The following TRPM3 variants were observed in gnomAD, a reference collection of about 807,000 sequenced individuals.
The protein encoded by TRPM3 is transient receptor potential cation channel subfamily M member 3.
A neutral mutation model predicts 181.2 loss-of-function variants in TRPM3; 77 were observed. That is an observed-to-expected ratio of 0.42 (90% confidence interval 0.35 to 0.51). The LOEUF (loss-of-function observed/expected upper bound fraction) is 0.51. Ranked by LOEUF, TRPM3 falls within the 20% of genes least tolerant of loss-of-function variation. The probability of loss-of-function intolerance (pLI) is 0.01; values close to 1 mark genes in which losing one functional copy is unlikely to be tolerated. For synonymous variants in TRPM3, 745 were observed against 796.4 expected, an observed-to-expected ratio of 0.94 and a Z score of 1.09; for missense variants, 1,759 against 2,196.7, an observed-to-expected ratio of 0.80 and a Z score of 3.98.
At chr9:71,037,304 C>T (rs1473901185) in intron 1 of TRPM3, among the ~76,000 whole-genome samples, 1 of 152,112 alleles carries the variant, frequency 6.6e-6, no homozygotes, top group Admixed American at 6.5e-5. Context: ...GTCCATACAC[C>T]TCAGAGTTAA....
At chr9:70,899,480 C>T (rs1183415843) in intron 1 of TRPM3, among the ~76,000 whole-genome samples, 1 of 152,144 alleles carries the variant, frequency 6.6e-6, no homozygotes, top group Non-Finnish European at 1.5e-5. Context: ...AGCTACAGGA[C>T]CACTTGCAAG....
intron 1 of TRPM3, among the ~76,000 whole-genome samples, chr9:71,384,811 T>C (rs916519306): frequency 3.3e-5 from 5 of 152,196 alleles, no homozygotes; most frequent in Non-Finnish European, 5.9e-5. Flanking sequence ...GGTGAGACTT[T>C]AGATTGTACA....
chr9:70,886,719 T>A (rs1238365756), intron 1 of TRPM3, among the ~76,000 whole-genome samples: 1 of 151,930 alleles, frequency 6.6e-6, no homozygotes, highest in Non-Finnish European at 1.5e-5. Flanking sequence ...GGCTGGAGTG[T>A]AATGGCACAA....
chr9:70,610,821 C>G, intron 18 of TRPM3, 72 bp from the exon 19 acceptor site: 2 of 1,564,474 alleles, frequency 1.3e-6, no homozygotes, highest in Non-Finnish European at 1.7e-6. Flanking sequence ...GCTTACTTTA[C>G]AGATGAGGAA....
At chr9:71,287,449 A>G (rs1313551446) in intron 1 of TRPM3, among the ~76,000 whole-genome samples, 1 of 152,012 alleles carries the variant, frequency 6.6e-6, no homozygotes, top group Admixed American at 6.6e-5. Flanking sequence ...ATTTGGGGTA[A>G]TTTATCTGTA....
At chr9:71,069,979 T>C (rs2062518996) in intron 1 of TRPM3, among the ~76,000 whole-genome samples, 1 of 152,160 alleles carries the variant, frequency 6.6e-6, no homozygotes, top group Non-Finnish European at 1.5e-5. Context: ...CAAGAAAAAG[T>C]AGGTTTAAAG....
intron 14 of TRPM3, among the ~76,000 whole-genome samples, chr9:70,624,419 C>G (rs1378846379): frequency 6.6e-6 from 1 of 152,150 alleles, no homozygotes; most frequent in Non-Finnish European, 1.5e-5. Context: ...CCTCAGCCCC[C>G]TTAGTAGCTG....
intron 1 of TRPM3, among the ~76,000 whole-genome samples, chr9:70,915,086 A>G (rs1047676518): frequency 3.3e-5 from 5 of 152,208 alleles, no homozygotes; most frequent in African/African-American, 1.2e-4. Flanking sequence ...CCCAGAAAAC[A>G]TGGCCTCATG....
At chr9:70,543,224 T>A (rs1283102135) in intron 25 of TRPM3, among the ~76,000 whole-genome samples, 1 of 152,222 alleles carries the variant, frequency 6.6e-6, no homozygotes, top group Admixed American at 6.5e-5. Flanking sequence ...TGTGGGTACA[T>A]AGTAGGTGTA....
intron 1 of TRPM3, among the ~76,000 whole-genome samples, chr9:70,877,829 A>ACACACACACACT (rs1196818421): frequency 3.2e-4 from 48 of 150,742 alleles, no homozygotes; most frequent in Non-Finnish European, 5.8e-4. Context: ...ACACACACAC[A>ACACACACACACT]CTCCCATGAA....
intron 22 of TRPM3, among the ~76,000 whole-genome samples, chr9:70,563,186 C>T (rs1445766128): frequency 1.3e-5 from 2 of 152,198 alleles, no homozygotes; most frequent in East Asian, 3.8e-4. Flanking sequence ...GGAACCTTTG[C>T]TTCTAGGTGC....
At chr9:71,409,253 T>G (rs1339312802) in intron 1 of TRPM3, among the ~76,000 whole-genome samples, 1 of 152,102 alleles carries the variant, frequency 6.6e-6, no homozygotes, top group African/African-American at 2.4e-5. Context: ...AATTCACATA[T>G]AACAATATTA....
chr9:71,192,147 C>T (rs189211490), intron 1 of TRPM3, among the ~76,000 whole-genome samples: 70 of 151,944 alleles, frequency 4.6e-4, no homozygotes, highest in African/African-American at 1.3e-3. Context: ...GACATCCAAA[C>T]GGTATCATTG....
chr9:71,152,138 T>C (rs1462780655), intron 1 of TRPM3, among the ~76,000 whole-genome samples: 1 of 152,162 alleles, frequency 6.6e-6, no homozygotes, highest in African/African-American at 2.4e-5. Flanking sequence ...AACTGTGAAC[T>C]CCTTGTTGAT....
intron 9 of TRPM3, among the ~76,000 whole-genome samples, chr9:70,677,699 A>G (rs1056607401): frequency 6.6e-6 from 1 of 152,220 alleles, no homozygotes; most frequent in African/African-American, 2.4e-5. Context: ...GTGTATCTTC[A>G]GATCTTCATT....
chr9:70,780,036 C>G (rs1250771843), intron 7 of TRPM3, among the ~76,000 whole-genome samples: 1 of 152,134 alleles, frequency 6.6e-6, no homozygotes, highest in Non-Finnish European at 1.5e-5. Context: ...CTGTCTTTTT[C>G]TATCCTAAGT....
At chr9:70,582,192 GTGT>G (rs1207607280) in intron 22 of TRPM3, among the ~76,000 whole-genome samples, 3 of 151,662 alleles carry the variant, frequency 2.0e-5, no homozygotes, top group Non-Finnish European at 4.4e-5. Context: ...GTGTGTGTGT[GTGT>G]GTGTGTGTGT....
chr9:70,701,102 T>C (rs2072394679), intron 8 of TRPM3, among the ~76,000 whole-genome samples: 1 of 152,232 alleles, frequency 6.6e-6, no homozygotes, highest in African/African-American at 2.4e-5. Context: ...TCTATAAATT[T>C]TCTAGTCAAG....
At chr9:70,819,880 G>A (rs920386203) in intron 6 of TRPM3, among the ~76,000 whole-genome samples, 2 of 151,980 alleles carry the variant, frequency 1.3e-5, no homozygotes, top group East Asian at 3.9e-4. Flanking sequence ...AAAGACAAAG[G>A]AATAACACCT....
Sources: allele counts gnomAD v4.1 joint callset (sites outside exome capture counted in the v4.1 genomes callset), GRCh38; gene constraint gnomAD v4.1.1; transcripts MANE v1.5; gene names NCBI Gene and HGNC (gene_info 2026-07-23, HGNC 2026-07-21).